The following PPARD variants were observed in gnomAD, a reference collection of about 807,000 sequenced individuals.
PPARD encodes the protein peroxisome proliferator-activated receptor delta.
PPARD carries 6 observed loss-of-function variants against 39.5 expected under a neutral mutation model. The ratio of observed to expected loss-of-function variants is 0.15; its 90% confidence interval spans 0.08 to 0.30. The LOEUF is 0.30. PPARD is among the 10% of genes least tolerant of loss of function. The pLI is 1.00. For synonymous variants in PPARD, 210 were observed against 231.3 expected (o/e 0.91, Z 0.83); for missense variants, 397 against 596.8 (o/e 0.67, Z 3.49).
At chr6:35,384,346 T>A (rs1232220779) in intron 2 of PPARD, among the ~76,000 whole-genome samples, 3 of 108,490 alleles carry the variant, frequency 2.8e-5, no homozygotes, top group South Asian at 3.1e-4. Context: ...CCGCCCCGTC[T>A]GGGAGGTGAG....
At chr6:35,356,205 T>A (rs1216932656) in intron 2 of PPARD, among the ~76,000 whole-genome samples, 1 of 152,200 alleles carries the variant, frequency 6.6e-6, no homozygotes, top group Non-Finnish European at 1.5e-5. Flanking sequence ...CTGATTTTCA[T>A]TGCTTTCATT....
chr6:35,355,756 C>T (rs901610640), intron 2 of PPARD, among the ~76,000 whole-genome samples: 6 of 150,940 alleles, frequency 4.0e-5, no homozygotes, highest in Admixed American at 2.0e-4. Flanking sequence ...GGACTACAGG[C>T]GCCCGCCACC....
Position 35,349,809 on chromosome 6 carries a change from T to C in PPARD, c.-102+2659T>C, listed in dbSNP as rs148096494. Among the ~76,000 whole-genome samples, 275 of 152,242 alleles carry C rather than the reference T, an allele frequency of 1.8e-3. 2 individuals carry two copies. Among genetic ancestry groups the C allele is most frequent in the African/African-American group, 6.2e-3 (259 of 41,522 alleles). ...CAGGCTGGAGAGCAATGGCACAATCTTGGCTCCCTGTAACCTCCACCTCCT... is the reference window on the plus strand; with the variant it reads ...CAGGCTGGAGAGCAATGGCACAATCCTGGCTCCCTGTAACCTCCACCTCCT... On this transcript the variant is annotated intron_variant, in intron 2 of 7. Transcript: ENST00000360694.
intron 2 of PPARD, chr6:35,348,867 G>T: frequency 2.0e-6 from 2 of 985,396 alleles, no homozygotes; most frequent in Non-Finnish European, 2.4e-6. Flanking sequence ...CCTCCTGAGC[G>T]GGGAGAGCTA....
chr6:35,362,487 C>T (rs1582302220), intron 2 of PPARD, among the ~76,000 whole-genome samples: 1 of 151,820 alleles, frequency 6.6e-6, no homozygotes, highest in South Asian at 2.1e-4. Context: ...AAAAGGATAC[C>T]ACCTCCAGTC....
rs1481863389 is a variant in PPARD at position 35,421,804 on chromosome 6, G to A, written c.286-16G>A. 1.2e-6 allele frequency: 2 copies of A among 1,601,842 alleles called. No homozygotes were observed. Among genetic ancestry groups the A allele is most frequent in the African/African-American group, 1.3e-5 (1 of 74,640 alleles). ...ACCTCCTGGTGGCCTTTCCTCACCT[G>A]TTCTTGGTGCTTCAGGGCTTCTTCC... On this transcript the variant is annotated splice_polypyrimidine_tract_variant and intron_variant, in intron 4 of 7. Transcript: ENST00000360694.
rs892344483 is a variant in PPARD, at chr6:35,420,298, G to A, written c.285+17G>A. ...GGGTGCAAGGTACGGACTGGGGGGA[G>A]CGGTGGCTGGCCACTGAGGCTGTGG... On this transcript the variant is annotated intron_variant, in intron 4 of 7. Transcript: ENST00000360694. 3.3e-6 allele frequency: 5 copies of A among 1,525,632 alleles called. No homozygotes were observed. Among genetic ancestry groups the A allele is most frequent in the Non-Finnish European group, 4.4e-6 (5 of 1,135,520 alleles). The allele number at this position is 1,525,632 out of a possible 1,614,324, so 94.5% of individuals were successfully genotyped here. A position where few individuals can be genotyped will look rare whatever the true frequency, so the allele number is the denominator to read the frequency against.
intron 2 of PPARD, among the ~76,000 whole-genome samples, chr6:35,391,231 A>C (rs1394658308): frequency 6.6e-6 from 1 of 152,224 alleles, no homozygotes; most frequent in African/African-American, 2.4e-5. Context: ...TAAGAGTAAT[A>C]CTACACATAT....
chr6:35,381,635 AG>A (rs1763161846), intron 2 of PPARD, among the ~76,000 whole-genome samples: 1 of 152,184 alleles, frequency 6.6e-6, no homozygotes, highest in South Asian at 2.1e-4. Flanking sequence ...CTCCATCTTA[AG>A]GAGCTTTCCT....
chr6:35,392,277 C>A (rs1315797740), intron 2 of PPARD, among the ~76,000 whole-genome samples: 1 of 152,116 alleles, frequency 6.6e-6, no homozygotes, highest in East Asian at 1.9e-4. Flanking sequence ...AAGCAGTTTG[C>A]CCAAAGCAAA....
chr6:35,366,042 ATGT>A lies in PPARD; in HGVS notation c.-102+18896_-102+18898del, dbSNP rs1179872746. 1.3e-5 allele frequency among the ~76,000 whole-genome samples: 2 copies of A among 151,764 alleles called. No individual in the cohort carries two copies. The highest frequency in any genetic ancestry group is 2.4e-5 in the African/African-American group (1 of 41,026). ...CCTGGCAGAATTTCAGCAGGCTGAGATGTTGTAGGAAGGGCAAATATGACTGAA... is the reference window on the plus strand; with the variant it reads ...CCTGGCAGAATTTCAGCAGGCTGAGATGTAGGAAGGGCAAATATGACTGAA... On this transcript the variant is annotated intron_variant, in intron 2 of 7. Transcript: ENST00000360694. This position sits in a 1 kb window ranked among gnomAD's most constrained non-coding sequence, Gnocchi z 4.6.
At chr6:35,421,656 A>G (rs1766179774) in intron 4 of PPARD, among the ~76,000 whole-genome samples, 164 bp from the exon 5 acceptor site, 1 of 152,182 alleles carries the variant, frequency 6.6e-6, no homozygotes, top group Non-Finnish European at 1.5e-5. Flanking sequence ...AGTTTTAATT[A>G]AAGTTTTAGA....
At chr6:35,415,034 CCATTCT>C (rs1765660501) in intron 3 of PPARD, among the ~76,000 whole-genome samples, 1 of 152,208 alleles carries the variant, frequency 6.6e-6, no homozygotes, top group Non-Finnish European at 1.5e-5. Flanking sequence ...CCTCCCATTC[CCATTCT>C]CATCCCTCCT....
At chr6:35,397,483 GCTC>G (rs1764415960) in intron 2 of PPARD, 1 of 961,160 alleles carries the variant, frequency 1.0e-6, no homozygotes, top group Non-Finnish European at 1.2e-6. Context: ...ATCTTGATAA[GCTC>G]CTCCTTTGAA....
chr6:35,349,969 T>C (rs1761139400), intron 2 of PPARD, among the ~76,000 whole-genome samples: 1 of 152,198 alleles, frequency 6.6e-6, no homozygotes, highest in Non-Finnish European at 1.5e-5. Flanking sequence ...CTCGAACTCC[T>C]GACCTCAAGT....
At chr6:35,356,204 A>T (rs1366147910) in intron 2 of PPARD, among the ~76,000 whole-genome samples, 1 of 152,186 alleles carries the variant, frequency 6.6e-6, no homozygotes, top group Non-Finnish European at 1.5e-5. Context: ...GCTGATTTTC[A>T]TTGCTTTCAT....
chr6:35,347,908 CT>C (rs149146314), intron 2 of PPARD, among the ~76,000 whole-genome samples: 4,871 of 122,052 alleles, frequency 0.04, 241 homozygotes, highest in African/African-American at 0.13. Context: ...CGCACCTGGC[CT>C]TTTTTTTTTT....
chr6:35,354,014 C>T lies in PPARD; in HGVS notation c.-102+6864C>T, dbSNP rs560451489. Among the ~76,000 whole-genome samples the T allele has an allele frequency of 2.9e-3, 438 of 152,134 alleles. 6 individuals are homozygous for T. Among genetic ancestry groups the T allele is most frequent in the African/African-American group, 0.01 (422 of 41,536 alleles). ...TTGGGAGGCCGAGGTGGGAGGATCA[C>T]GAGGTCAGGAGATTGAGACCATCCT... On this transcript the variant is annotated intron_variant, in intron 2 of 7. Transcript: ENST00000360694.
Position 35,425,862 on chromosome 6 carries a change from T to A in PPARD, c.1109T>A (p.Val370Glu), listed in dbSNP as rs1562229750. 6.2e-7 allele frequency: 1 copy of A among 1,613,938 alleles called. No individual in the cohort carries two copies. Among genetic ancestry groups the A allele is most frequent in the Non-Finnish European group, 8.5e-7 (1 of 1,179,962 alleles). The change falls in exon 8 of 8, where the codon GTG (valine) becomes GAG (glutamate). Residue 370 changes from valine to glutamate, a missense_variant. Coordinates refer to ENST00000360694, the MANE Select transcript of PPARD (RefSeq NM_006238.5). This position sits in a 1 kb window ranked among gnomAD's most constrained non-coding sequence, Gnocchi z 4.5. Reference protein sequence around the residue: ...DRPGLMNVPRVEAIQDTILRA... With the variant: ...DRPGLMNVPREEAIQDTILRA... ...CCAGGCCTCATGAACGTTCCACGGGTGGAGGCTATCCAGGACACCATCCTG... is the reference window on the plus strand; with the variant it reads ...CCAGGCCTCATGAACGTTCCACGGGAGGAGGCTATCCAGGACACCATCCTG...
Sources: allele counts gnomAD v4.1 joint callset (sites outside exome capture counted in the v4.1 genomes callset), GRCh38; gene constraint gnomAD v4.1.1; non-coding constraint Gnocchi (gnomAD v3.1); transcripts MANE v1.5; gene names NCBI Gene and HGNC (gene_info 2026-07-23, HGNC 2026-07-21).